FIG4: variants seen among roughly 807,000 people sequenced by gnomAD.
FIG4 encodes polyphosphoinositide phosphatase.
FIG4 carries 112 observed loss-of-function variants against 118.6 expected under a neutral mutation model. The observed-to-expected ratio is 0.94, with a 90% CI of 0.81 to 1.11. FIG4 has a LOEUF of 1.11. FIG4 is among the 50% of genes least tolerant of loss of function. FIG4 has a pLI of 0.00. For synonymous variants in FIG4, 369 were observed against 381.2 expected, an observed-to-expected ratio of 0.97 and a Z score of 0.37; for missense variants, 969 against 1,111.7, an observed-to-expected ratio of 0.87 and a Z score of 1.83.
chr6:109,745,854 C>T (rs1776478849), intron 10 of FIG4, among the ~76,000 whole-genome samples: 1 of 151,922 alleles, frequency 6.6e-6, no homozygotes, highest in African/African-American at 2.4e-5. Flanking sequence ...TCAGTGCCAT[C>T]CTCATCAAGC....
intron 15 of FIG4, among the ~76,000 whole-genome samples, chr6:109,774,264 A>G (rs963809494): frequency 6.6e-6 from 1 of 152,222 alleles, no homozygotes; most frequent in Non-Finnish European, 1.5e-5. Flanking sequence ...AATTTATAAT[A>G]TGCTTTTGCT....
intron 22 of FIG4, among the ~76,000 whole-genome samples, chr6:109,814,786 A>G (rs1440975832): frequency 6.6e-6 from 1 of 152,146 alleles, no homozygotes; most frequent in East Asian, 1.9e-4. Flanking sequence ...TTCTAGGCTC[A>G]TCATGTCCTT....
chr6:109,701,903 A>G (rs1280321520), intron 1 of FIG4, among the ~76,000 whole-genome samples: 1 of 152,174 alleles, frequency 6.6e-6, no homozygotes, highest in Non-Finnish European at 1.5e-5. Flanking sequence ...GGTGACATTC[A>G]CATTTGTTTC....
intron 1 of FIG4, among the ~76,000 whole-genome samples, chr6:109,714,326 C>G (rs1242844650): frequency 1.3e-5 from 2 of 152,184 alleles, no homozygotes; most frequent in Non-Finnish European, 2.9e-5. Context: ...TGTGTCTTCC[C>G]TCCACCACTC....
At chr6:109,806,081 C>T (rs1193507922) in intron 22 of FIG4, among the ~76,000 whole-genome samples, 1 of 152,112 alleles carries the variant, frequency 6.6e-6, no homozygotes, top group Non-Finnish European at 1.5e-5. Context: ...TTGTTTTGCA[C>T]ATGCTTATCT....
At chr6:109,774,584 A>G (rs1280445222) in intron 15 of FIG4, among the ~76,000 whole-genome samples, 2 of 152,126 alleles carry the variant, frequency 1.3e-5, no homozygotes, top group South Asian at 4.1e-4. Context: ...TAAACAGTTA[A>G]TGTTCCCCTT....
intron 10 of FIG4, among the ~76,000 whole-genome samples, chr6:109,755,728 A>C (rs1007913629): frequency 1.3e-5 from 2 of 152,066 alleles, no homozygotes; most frequent in African/African-American, 4.8e-5. Flanking sequence ...GTTGGTTTCA[A>C]ATCTGTTTTA....
chr6:109,728,040 A>G (rs1775873894), intron 4 of FIG4, among the ~76,000 whole-genome samples: 1 of 152,190 alleles, frequency 6.6e-6, no homozygotes, highest in South Asian at 2.1e-4. Context: ...GACAGTTTGT[A>G]TGTGGACTAC....
chr6:109,759,289 G>A (rs530243539), intron 10 of FIG4, among the ~76,000 whole-genome samples: 98 of 151,486 alleles, frequency 6.5e-4, no homozygotes, highest in Non-Finnish European at 9.0e-4. Context: ...AGTTCATGTC[G>A]TTGAGAGTGA....
chr6:109,732,764 A>C, intron 5 of FIG4, 77 bp downstream of exon 5: 1 of 812,496 alleles, frequency 1.2e-6, no homozygotes, highest in African/African-American at 1.7e-5. Flanking sequence ...AAGCAGAATG[A>C]GAACATAGTA....
At chr6:109,760,511 T>A (rs1402825731) in intron 11 of FIG4, 128 bp downstream of exon 11, 4 of 844,918 alleles carry the variant, frequency 4.7e-6, no homozygotes, top group South Asian at 1.4e-5. Context: ...GTTGAGGGGC[T>A]GTTTTGAGTG....
chr6:109,753,419 G>A (rs1198573388), intron 10 of FIG4, among the ~76,000 whole-genome samples: 1 of 151,596 alleles, frequency 6.6e-6, no homozygotes, highest in Non-Finnish European at 1.5e-5. Flanking sequence ...TTGACTTGGT[G>A]ATGCGGGCTC....
chr6:109,728,220 ATATT>A (rs915682700), intron 4 of FIG4, among the ~76,000 whole-genome samples: 10 of 152,210 alleles, frequency 6.6e-5, no homozygotes, highest in Non-Finnish European at 1.5e-4. Context: ...ATGTATTTGT[ATATT>A]TAAAGAGAGA....
At chr6:109,816,596 C>G (rs542156430) in intron 22 of FIG4, among the ~76,000 whole-genome samples, 1 of 152,334 alleles carries the variant, frequency 6.6e-6, no homozygotes, top group East Asian at 1.9e-4. Context: ...TTGTATCCTG[C>G]ACAGACCCAG....
At chr6:109,715,201 CA>C in intron 2 of FIG4, 25 bp downstream of exon 2, 2 of 1,257,542 alleles carry the variant, frequency 1.6e-6, no homozygotes, top group Admixed American at 1.7e-5. Context: ...AACCTGACTG[CA>C]AAAAAACTTT....
chr6:109,701,761 G>A (rs1175585581), intron 1 of FIG4: 2 of 471,468 alleles, frequency 4.2e-6, no homozygotes, highest in East Asian at 6.9e-5. Flanking sequence ...CTTGATTTGT[G>A]TAATCAGTGA....
At chr6:109,697,492 A>G (rs939448494) in intron 1 of FIG4, among the ~76,000 whole-genome samples, 7 of 152,186 alleles carry the variant, frequency 4.6e-5, no homozygotes, top group Non-Finnish European at 1.0e-4. Context: ...TTCTTGCATC[A>G]TGGACATTTC....
At chr6:109,702,653 C>T (rs1774939767) in intron 1 of FIG4, among the ~76,000 whole-genome samples, 2 of 124,544 alleles carry the variant, frequency 1.6e-5, no homozygotes, top group South Asian at 5.1e-4. Flanking sequence ...GCTCCAGTTA[C>T]TGCTCCCTTT....
intron 20 of FIG4, among the ~76,000 whole-genome samples, chr6:109,791,912 A>G (rs1014695853): frequency 4.6e-5 from 7 of 152,196 alleles, no homozygotes; most frequent in Admixed American, 1.3e-4. Context: ...GGCCTTCACA[A>G]TCTTTGAATG....
Sources: gnomAD v4.1 joint callset for allele counts (sites outside exome capture counted in the v4.1 genomes callset) on GRCh38, gnomAD v4.1.1 for gene constraint, MANE v1.5 for transcripts, NCBI Gene and HGNC (gene_info 2026-07-23, HGNC 2026-07-21) for gene names.